Variants in MSRA observed in about 807,000 individuals in gnomAD.
MSRA encodes methionine sulfoxide reductase A, also known as mitochondrial peptide methionine sulfoxide reductase.
A neutral mutation model predicts 31.3 loss-of-function variants in MSRA; 54 were observed. The ratio of observed to expected loss-of-function variants is 1.73; its 90% CI spans 1.39 to 2.17. The LOEUF is 2.17. Among genes scored for constraint, MSRA ranks in the 30% most tolerant of loss-of-function variants. The pLI, the probability that MSRA is intolerant of heterozygous loss-of-function variation, is 0.00. For missense variants in MSRA, 507 were observed against 300.9 expected (o/e 1.69, Z -5.07); for synonymous variants, 169 against 116.5 (o/e 1.45, Z -2.90).
At chr8:10,407,518 G>A (rs1807892362) in intron 5 of MSRA, among the ~76,000 whole-genome samples, 1 of 152,190 alleles carries the variant, frequency 6.6e-6, no homozygotes, top group Non-Finnish European at 1.5e-5. Context: ...GTTGATGATG[G>A]CAATGAAATG....
intron 5 of MSRA, among the ~76,000 whole-genome samples, chr8:10,354,311 C>T (rs1319984391): frequency 6.6e-6 from 1 of 152,136 alleles, no homozygotes. Context: ...TTGATGGAAT[C>T]CACATTGTTG....
chr8:10,054,471 C>G lies in MSRA; in HGVS notation c.-46C>G. ...TGCCGTTCCGGCTGCGGCTCCGCTG[C>G]CGGTAGCGCCGTCCCCCGGGACCAC... On this transcript the variant is annotated 5_prime_UTR_variant, in exon 1 of 6. Coordinates refer to ENST00000317173, the MANE Select transcript of MSRA (RefSeq NM_012331.5). The G allele has an allele frequency of 6.6e-7, 1 of 1,524,718 alleles. No homozygotes were observed. The highest frequency in any genetic ancestry group is 8.8e-7 in the Non-Finnish European group (1 of 1,134,386). The allele number at this position is 1,524,718 out of a possible 1,614,324, so 94.4% of individuals were successfully genotyped here. A position where few individuals can be genotyped will look rare whatever the true frequency, so the allele number is the denominator to read the frequency against.
intron 1 of MSRA, chr8:10,095,760 T>C (rs1027686987): frequency 2.7e-5 from 31 of 1,151,148 alleles, no homozygotes; most frequent in Non-Finnish European, 3.3e-5. Context: ...TCTTGGGCTA[T>C]TTGAAAGTGT....
intron 1 of MSRA, among the ~76,000 whole-genome samples, chr8:10,126,799 C>T (rs1801532918): frequency 6.6e-6 from 1 of 152,248 alleles, no homozygotes; most frequent in Non-Finnish European, 1.5e-5. Flanking sequence ...CAGGCATGAG[C>T]CACCATGTCC....
At chr8:10,398,677 G>A (rs932170872) in intron 5 of MSRA, among the ~76,000 whole-genome samples, 11 of 152,280 alleles carry the variant, frequency 7.2e-5, no homozygotes, top group Middle Eastern at 3.4e-3. Context: ...TGATCTTTCC[G>A]CTCTCCTTCT....
intron 3 of MSRA, 87 bp from the exon 4 acceptor site, chr8:10,301,447 T>C: frequency 2.0e-6 from 2 of 983,832 alleles, no homozygotes; most frequent in East Asian, 2.4e-5. Flanking sequence ...GTTTCAGCTT[T>C]TGTCTGTTGT....
intron 5 of MSRA, among the ~76,000 whole-genome samples, chr8:10,322,989 C>CT (rs941462101): frequency 6.6e-6 from 1 of 150,448 alleles, no homozygotes; most frequent in Admixed American, 6.7e-5. Flanking sequence ...ACTGAGGAGG[C>CT]TGAGGCAGGA....
rs116483834 is a variant in MSRA, at chr8:10,136,189, C to T, written c.143-71644C>T. Among the ~76,000 whole-genome samples, 1,144 of 152,206 alleles carry T rather than the reference C, an allele frequency of 7.5e-3. 17 individuals are homozygous for T. Among genetic ancestry groups the T allele is most frequent in the African/African-American group, 0.024 (1,007 of 41,504 alleles). ...GCAGTCACGCTGGGCACAGGGACCC[C>T]GGGCAGAGAGGAGCTCTGCGGTGCA... On this transcript the variant is annotated intron_variant, in intron 1 of 5. Coordinates refer to ENST00000317173, the MANE Select transcript of MSRA (RefSeq NM_012331.5).
intron 5 of MSRA, among the ~76,000 whole-genome samples, chr8:10,338,161 A>C (rs187815641): frequency 5.9e-5 from 9 of 152,370 alleles, no homozygotes; most frequent in Non-Finnish European, 1.0e-4. Context: ...GAACCTAGGA[A>C]AGTGAGCCCC....
rs1802995468 is a variant in MSRA, at chr8:10,144,740, C to T, written c.143-63093C>T. 2.6e-5 allele frequency among the ~76,000 whole-genome samples: 4 copies of T among 151,270 alleles called. No individual in the cohort carries two copies. In the East Asian group the frequency reaches 7.8e-4, roughly 29 times the overall value. On this transcript the variant is annotated intron_variant, in intron 1 of 5. Transcript: ENST00000317173. ...TGTTGATCCAGTGTGTATCTCATGCCTTTTTTTTTCTCTTTGCCTAAATTA... is the reference window on the plus strand; with the variant it reads ...TGTTGATCCAGTGTGTATCTCATGCTTTTTTTTTTCTCTTTGCCTAAATTA...
Position 10,333,831 on chromosome 8 carries a change from C to A in MSRA, c.543+13842C>A, listed in dbSNP as rs933654315. Among the ~76,000 whole-genome samples the A allele has an allele frequency of 1.2e-4, 18 of 152,016 alleles. 1 individual carries two copies. Among genetic ancestry groups the A allele is most frequent in the Non-Finnish European group, 2.9e-5 (2 of 68,018 alleles). On this transcript the variant is annotated intron_variant, in intron 5 of 5. Transcript: ENST00000317173. ...CCCACCCCCCCCACGCTGAGTGGGA[C>A]CTTCCCTTGCTTTGCATCTGTGGCA... is the stretch of plus-strand genomic sequence containing the variant.
intron 5 of MSRA, among the ~76,000 whole-genome samples, chr8:10,421,861 T>C (rs1331712336): frequency 6.6e-6 from 1 of 152,040 alleles, no homozygotes; most frequent in African/African-American, 2.4e-5. Flanking sequence ...TGCTCAGCCA[T>C]AGAAATGGGG....
At chr8:10,355,585 A>G (rs1804460700) in intron 5 of MSRA, among the ~76,000 whole-genome samples, 1 of 152,200 alleles carries the variant, frequency 6.6e-6, no homozygotes, top group Non-Finnish European at 1.5e-5. Flanking sequence ...GCATTTCTTC[A>G]GTACATACAT....
intron 1 of MSRA, among the ~76,000 whole-genome samples, chr8:10,110,062 C>T (rs563132371): frequency 6.6e-6 from 1 of 152,286 alleles, no homozygotes; most frequent in African/African-American, 2.4e-5. Context: ...GGAGGCCACT[C>T]TGATTGCAGC....
At chr8:10,129,440 A>T (rs1585213141) in intron 1 of MSRA, among the ~76,000 whole-genome samples, 1 of 152,150 alleles carries the variant, frequency 6.6e-6, no homozygotes, top group East Asian at 1.9e-4. Flanking sequence ...TGATGAGGTG[A>T]AATAATTTCT....
At chr8:10,404,393 A>C (rs1174587927) in intron 5 of MSRA, among the ~76,000 whole-genome samples, 1 of 152,196 alleles carries the variant, frequency 6.6e-6, no homozygotes, top group Non-Finnish European at 1.5e-5. Flanking sequence ...GGAAGTGACG[A>C]TCCCGTCACC....
At chr8:10,096,029 GA>G (rs1799136161) in intron 1 of MSRA, 12 of 1,458,046 alleles carry the variant, frequency 8.2e-6, no homozygotes, top group Non-Finnish European at 1.0e-5. Flanking sequence ...ACATCCTTCG[GA>G]ATGTGTTCAG....
chr8:10,075,104 T>C (rs914631596), intron 1 of MSRA, among the ~76,000 whole-genome samples: 1 of 152,264 alleles, frequency 6.6e-6, no homozygotes, highest in Non-Finnish European at 1.5e-5. Flanking sequence ...ACTTCATATA[T>C]TGTCTTTTTA....
intron 1 of MSRA, among the ~76,000 whole-genome samples, chr8:10,178,932 C>A (rs751194756): frequency 6.6e-6 from 1 of 152,130 alleles, no homozygotes; most frequent in Non-Finnish European, 1.5e-5. Context: ...TCATTTCTTT[C>A]TTGGTAATTT....
Sources: allele counts gnomAD v4.1 joint callset (sites outside exome capture counted in the v4.1 genomes callset), GRCh38; gene constraint gnomAD v4.1.1; transcripts MANE v1.5; gene names NCBI Gene and HGNC (gene_info 2026-07-23, HGNC 2026-07-21).